The following ERBB4 variants were observed in gnomAD, a reference collection of about 807,000 sequenced individuals.
The protein encoded by ERBB4 is erb-b2 receptor tyrosine kinase 4.
A neutral mutation model predicts 158.0 loss-of-function variants in ERBB4; 42 were observed. That is an observed-to-expected ratio of 0.27 (90% CI 0.21 to 0.34). The LOEUF (loss-of-function observed/expected upper bound fraction) is 0.34. Ranked by LOEUF, ERBB4 falls within the 10% of genes least tolerant of loss-of-function variation. The pLI, the probability that ERBB4 is intolerant of heterozygous loss-of-function variation, is 1.00. For synonymous variants in ERBB4, 583 were observed against 558.7 expected (o/e 1.04, Z -0.61); for missense variants, 1,333 against 1,624.1 (o/e 0.82, Z 3.08).
chr2:211,941,977 G>T (rs1294094297), intron 3 of ERBB4, among the ~76,000 whole-genome samples: 1 of 152,060 alleles, frequency 6.6e-6, no homozygotes, highest in East Asian at 1.9e-4. Context: ...TTTCTTCACA[G>T]TTTTCAAGAT....
At chr2:212,212,512 C>T (rs1051342746) in intron 1 of ERBB4, among the ~76,000 whole-genome samples, 1 of 151,410 alleles carries the variant, frequency 6.6e-6, no homozygotes, top group Non-Finnish European at 1.5e-5. Context: ...AGATTCCATG[C>T]TATTTTCATA....
chr2:211,647,580 A>G (rs900136509), intron 16 of ERBB4, among the ~76,000 whole-genome samples: 1 of 151,678 alleles, frequency 6.6e-6, no homozygotes, highest in Non-Finnish European at 1.5e-5. Context: ...AAGCCTAGAA[A>G]AAAATGATTA....
chr2:211,633,580 T>G (rs941945526), intron 16 of ERBB4, among the ~76,000 whole-genome samples: 3 of 147,756 alleles, frequency 2.0e-5, no homozygotes, highest in African/African-American at 7.4e-5. Context: ...TCCAATGTCT[T>G]TTAAAGATAA....
At position 211,673,259 on chromosome 2, in the gene ERBB4, T is replaced by C; in HGVS notation, c.1623-2A>G. ...CCATTCTCAAACTCCCGAAATTCAC[T>C]GTGAAAACATCAGCCACATGAGGAG... is the stretch of plus-strand genomic sequence containing the variant. On this transcript the variant is annotated splice_acceptor_variant, in intron 13 of 27. Coordinates refer to ENST00000342788, the MANE Select transcript of ERBB4 (RefSeq NM_005235.3). LOFTEE classifies it high-confidence loss of function. 1 of 1,609,688 alleles carries C rather than the reference T, an allele frequency of 6.2e-7. No homozygotes were observed. Among genetic ancestry groups the C allele is most frequent in the Non-Finnish European group, 8.5e-7 (1 of 1,176,088 alleles).
intron 17 of ERBB4, among the ~76,000 whole-genome samples, chr2:211,625,887 C>T (rs369046754): frequency 1.7e-3 from 253 of 152,216 alleles, no homozygotes; most frequent in African/African-American, 5.9e-3. Flanking sequence ...GCAATAATTG[C>T]ATATTTTGAA....
intron 3 of ERBB4, among the ~76,000 whole-genome samples, chr2:211,823,293 T>C (rs572834579): frequency 2.0e-5 from 3 of 151,926 alleles, no homozygotes; most frequent in Non-Finnish European, 4.4e-5. Flanking sequence ...AAAGAAAATA[T>C]TCAAAATTAC....
intron 6 of ERBB4, among the ~76,000 whole-genome samples, chr2:211,723,309 A>G (rs142931562): frequency 6.6e-6 from 1 of 152,302 alleles, no homozygotes; most frequent in Non-Finnish European, 1.5e-5. Flanking sequence ...ATAAAAACAG[A>G]ATATATGTGT....
At chr2:211,629,620 G>A (rs1254162166) in intron 17 of ERBB4, among the ~76,000 whole-genome samples, 2 of 152,146 alleles carry the variant, frequency 1.3e-5, no homozygotes, top group African/African-American at 4.8e-5. Context: ...CAAAGCTGGA[G>A]GCATCACGCT....
intron 2 of ERBB4, among the ~76,000 whole-genome samples, chr2:211,974,300 C>T (rs995656666): frequency 1.3e-5 from 2 of 151,754 alleles, no homozygotes; most frequent in African/African-American, 4.8e-5. Context: ...AATTCCAGTG[C>T]TTAAGATAGT....
At chr2:212,219,969 AG>A (rs779315444) in intron 1 of ERBB4, among the ~76,000 whole-genome samples, 1,860 of 150,040 alleles carry the variant, frequency 0.012, 28 homozygotes, top group African/African-American at 0.042. Context: ...AAAAAAAAAA[AG>A]TGGGATTTTT....
intron 1 of ERBB4, among the ~76,000 whole-genome samples, chr2:212,277,173 C>T (rs1188958625): frequency 6.6e-6 from 1 of 151,742 alleles, no homozygotes; most frequent in Non-Finnish European, 1.5e-5. Context: ...GATTTAAGGG[C>T]AGTGGGCTGC....
chr2:212,062,399 C>CTTTTTT (rs199535512), intron 2 of ERBB4, among the ~76,000 whole-genome samples: 1 of 81,356 alleles, frequency 1.2e-5, no homozygotes, highest in African/African-American at 4.3e-5. Flanking sequence ...CTTGTCAATT[C>CTTTTTT]TTTTTTTTTT....
chr2:211,709,458 T>A (rs1274041169), intron 9 of ERBB4, among the ~76,000 whole-genome samples: 1 of 151,868 alleles, frequency 6.6e-6, no homozygotes, highest in Admixed American at 6.6e-5. Flanking sequence ...TCTGTAAGAA[T>A]TTTAGCCTTG....
At chr2:212,340,302 C>T (rs185154070) in intron 1 of ERBB4, among the ~76,000 whole-genome samples, 2 of 152,198 alleles carry the variant, frequency 1.3e-5, no homozygotes, top group East Asian at 1.9e-4. Flanking sequence ...GAACTGGTTT[C>T]GTGGAAGACA....
At chr2:211,538,900 G>T (rs1197679278) in intron 20 of ERBB4, among the ~76,000 whole-genome samples, 2 of 151,826 alleles carry the variant, frequency 1.3e-5, no homozygotes, top group Admixed American at 1.3e-4. Context: ...CTATAGTTCA[G>T]AACCACTGTC....
At chr2:211,998,415 G>T (rs2076021432) in intron 2 of ERBB4, among the ~76,000 whole-genome samples, 2 of 150,066 alleles carry the variant, frequency 1.3e-5, no homozygotes, top group Non-Finnish European at 3.0e-5. Flanking sequence ...CCTTATCACA[G>T]ATCTTTCTGA....
rs903886518 is a variant in ERBB4, at chr2:211,971,447, A to G, written c.235-23831T>C. On this transcript the variant is annotated intron_variant, in intron 2 of 27. Coordinates refer to ENST00000342788, the MANE Select transcript of ERBB4 (RefSeq NM_005235.3). ...ACAAGCAAAACAAGCCCAGGACCAGATGGATTCACAGCTGAATTCTACTAG... is the reference window on the plus strand; with the variant it reads ...ACAAGCAAAACAAGCCCAGGACCAGGTGGATTCACAGCTGAATTCTACTAG... Among the ~76,000 whole-genome samples, 3 of 152,286 alleles carry G rather than the reference A, an allele frequency of 2.0e-5. No homozygotes were observed. In the East Asian group the frequency reaches 5.8e-4, roughly 29 times the overall value.
Position 211,489,607 on chromosome 2 carries a change from ATTAT to A in ERBB4, c.2488-58511_2488-58508del, listed in dbSNP as rs933669495. 1.1e-4 allele frequency among the ~76,000 whole-genome samples: 16 copies of A among 152,018 alleles called. 1 individual carries two copies. The highest frequency in any genetic ancestry group is 3.6e-4 in the African/African-American group (15 of 41,442). On this transcript the variant is annotated intron_variant, in intron 20 of 27. Transcript: ENST00000342788. ...ATCATTATATAATGTCAACAATTTA[ATTAT>A]TTAAGTAAAATTATACAAATTATAT...
rs2062474353 is a variant in ERBB4, at chr2:211,376,418, T to G, written c.*7197A>C. ...AGCTATAAAAATACTATTCACATTTTCAAACATACAGTAGTATTTTTTGTT... is the reference window on the plus strand; with the variant it reads ...AGCTATAAAAATACTATTCACATTTGCAAACATACAGTAGTATTTTTTGTT... On this transcript the variant is annotated 3_prime_UTR_variant, in exon 28 of 28. Transcript: ENST00000342788. 4.3e-6 allele frequency: 1 copy of G among 232,830 alleles called. No individual in the cohort carries two copies. Among genetic ancestry groups the G allele is most frequent in the African/African-American group, 2.2e-5 (1 of 45,302 alleles). The allele number at this position is 232,830 out of a possible 1,614,324, so 14.4% of individuals were successfully genotyped here. A position where few individuals can be genotyped will look rare whatever the true frequency, so the allele number is the denominator to read the frequency against.
Sources: allele counts gnomAD v4.1 joint callset (sites outside exome capture counted in the v4.1 genomes callset), GRCh38; gene constraint gnomAD v4.1.1; transcripts MANE v1.5; gene names NCBI Gene and HGNC (gene_info 2026-07-23, HGNC 2026-07-21).